The following GPRIN3 variants were observed in gnomAD, a reference collection of about 807,000 sequenced individuals.
GPRIN3 encodes the protein G protein-regulated inducer of neurite outgrowth 3.
A neutral mutation model predicts 13.7 loss-of-function variants in GPRIN3; 12 were observed. That is an observed-to-expected ratio of 0.87 (90% CI 0.56 to 1.42). The LOEUF (loss-of-function observed/expected upper bound fraction) is 1.42, where lower values mean the gene tolerates loss of function less well. Among genes scored for constraint, GPRIN3 ranks in the 40% most tolerant of loss-of-function variants. The probability of loss-of-function intolerance (pLI) is 0.00; values close to 1 mark genes in which losing one functional copy is unlikely to be tolerated. For missense variants in GPRIN3, 1,009 were observed against 958.7 expected, an observed-to-expected ratio of 1.05 and a Z score of -0.69; for synonymous variants, 377 against 372.7, an observed-to-expected ratio of 1.01 and a Z score of -0.13.
In GPRIN3 at chr4:89,272,153, A is replaced by G. The variant is rs1033859526; in HGVS notation, c.-123-21920T>C. ...TATGCAGTCTGTGGTATTCTGTTAC[A>G]GCAGCCTGAAAGGACTAAGACAGAG... On this transcript the variant is annotated intron_variant, in intron 1 of 1. Coordinates refer to ENST00000609438, the MANE Select transcript of GPRIN3 (RefSeq NM_198281.3). Among the ~76,000 whole-genome samples, 7 of 152,324 alleles carry G rather than the reference A, an allele frequency of 4.6e-5. No homozygotes were observed. The South Asian group carries it at 1.5e-3, about 32-fold the overall frequency.
Position 89,304,956 on chromosome 4 carries a change from T to G in GPRIN3, c.-124+2659A>C, listed in dbSNP as rs145005697. On this transcript the variant is annotated intron_variant, in intron 1 of 1. Transcript: ENST00000609438. Reference sequence around the variant, plus strand: ...ACTTTTCCCCCTTTAAGCAGCCTATTGTAAATTAAGGTAAATATAATTTCT... The same window carrying G: ...ACTTTTCCCCCTTTAAGCAGCCTATGGTAAATTAAGGTAAATATAATTTCT... Among the ~76,000 whole-genome samples, 12 of 152,366 alleles carry G rather than the reference T, an allele frequency of 7.9e-5. No individual in the cohort carries two copies. The East Asian group carries it at 2.1e-3, about 27-fold the overall frequency.
rs1209015401 is a variant in GPRIN3 at position 89,247,878 on chromosome 4, G to A, written c.2233C>T (p.Leu745Phe). The A allele has an allele frequency of 3.7e-6, 6 of 1,614,172 alleles. No individual in the cohort carries two copies. Among genetic ancestry groups the A allele is most frequent in the East Asian group, 4.5e-5 (2 of 44,878 alleles). Residue 745 changes from leucine to phenylalanine, a missense_variant, in exon 2 of 2, where the codon CTC becomes TTC. By Grantham distance (22) the Leu-to-Phe change is conservative (BLOSUM62 0). Coordinates refer to ENST00000609438, the MANE Select transcript of GPRIN3 (RefSeq NM_198281.3). Reference sequence around the variant, plus strand: ...AAAACACTGTGCTGCCTTCCTCTGAGCTTCTTATTTGAAGAAGTATCTGAG... The same window carrying A: ...AAAACACTGTGCTGCCTTCCTCTGAACTTCTTATTTGAAGAAGTATCTGAG... ...ISSDTSSNKK[L>F]RGRQHSVFQS...
At chr4:89,279,414 T>A (rs1724184191) in intron 1 of GPRIN3, among the ~76,000 whole-genome samples, 1 of 152,158 alleles carries the variant, frequency 6.6e-6, no homozygotes, top group Non-Finnish European at 1.5e-5. Flanking sequence ...CTCAAGCCTC[T>A]ATCATCAGGG....
In GPRIN3 at chr4:89,276,693, C is replaced by G. The variant is rs944357643; in HGVS notation, c.-123-26460G>C. On this transcript the variant is annotated intron_variant, in intron 1 of 1. Coordinates refer to ENST00000609438, the MANE Select transcript of GPRIN3 (RefSeq NM_198281.3). ...CTAGAGACTATTATTCTTGTCAGGC[C>G]TATTAGCACAGTACAGTGTTTCCCA... Among the ~76,000 whole-genome samples, 6 of 152,214 alleles carry G rather than the reference C, an allele frequency of 3.9e-5. No homozygotes were observed. The South Asian group carries it at 6.2e-4, about 16-fold the overall frequency.
intron 1 of GPRIN3, among the ~76,000 whole-genome samples, chr4:89,280,845 A>G (rs1453481787): frequency 3.3e-5 from 5 of 152,204 alleles, no homozygotes; most frequent in African/African-American, 1.2e-4. Flanking sequence ...AAAAAATGCC[A>G]AGGATTGCTG....
chr4:89,257,739 A>G (rs571137799), intron 1 of GPRIN3, among the ~76,000 whole-genome samples: 1 of 152,300 alleles, frequency 6.6e-6, no homozygotes, highest in East Asian at 1.9e-4. Context: ...GACTTGGACA[A>G]GCAGCATCAT....
chr4:89,256,306 C>T (rs530741445), intron 1 of GPRIN3, among the ~76,000 whole-genome samples: 3 of 152,218 alleles, frequency 2.0e-5, no homozygotes, highest in East Asian at 3.9e-4. Flanking sequence ...GCCTAGATGG[C>T]ATTAACATCC....
At chr4:89,301,016 A>C (rs1724882154) in intron 1 of GPRIN3, among the ~76,000 whole-genome samples, 2 of 152,240 alleles carry the variant, frequency 1.3e-5, no homozygotes, top group Admixed American at 1.3e-4. Context: ...CTTAATTAAC[A>C]ATATGACTAA....
chr4:89,241,690 C>T lies in GPRIN3; in HGVS notation c.*6090G>A, dbSNP rs957920051. On this transcript the variant is annotated 3_prime_UTR_variant, in exon 2 of 2. Coordinates refer to ENST00000609438, the MANE Select transcript of GPRIN3 (RefSeq NM_198281.3). ...GATATACCAGCATCATTTTAAGACA[C>T]GATGGAAAACATTAGGAAAAATAAG... 6.6e-6 allele frequency: 1 copy of T among 151,862 alleles called. No individual in the cohort carries two copies. Among genetic ancestry groups the T allele is most frequent in the Non-Finnish European group, 1.5e-5 (1 of 67,962 alleles). The allele number at this position is 151,862 out of a possible 1,614,324, so 9.4% of individuals were successfully genotyped here.
chr4:89,262,021 G>C (rs1723643825), intron 1 of GPRIN3, among the ~76,000 whole-genome samples: 1 of 151,694 alleles, frequency 6.6e-6, no homozygotes, highest in Admixed American at 6.6e-5. Flanking sequence ...ACTTGGTTAG[G>C]AGGCTGAGGT....
chr4:89,283,333 G>C (rs10516831), intron 1 of GPRIN3, among the ~76,000 whole-genome samples: 9,971 of 152,236 alleles, frequency 0.065, 456 homozygotes, highest in African/African-American at 0.13. Context: ...TGGGCAGAAA[G>C]GTGATTTCAT....
At position 89,247,301 on chromosome 4, in the gene GPRIN3, T is replaced by C. The variant is rs992107270; in HGVS notation, c.*479A>G. The C allele has an allele frequency of 2.0e-5, 3 of 153,078 alleles. No homozygotes were observed. The highest frequency in any genetic ancestry group is 6.5e-5 in the Admixed American group (1 of 15,376). The allele number at this position is 153,078 out of a possible 1,614,324, so 9.5% of individuals were successfully genotyped here. On this transcript the variant is annotated 3_prime_UTR_variant, in exon 2 of 2. Transcript: ENST00000609438. Reference sequence around the variant, plus strand: ...TTTTCATTATGGTTCTTATCACCTATTTATAATTTGTGTGGTTACAGCATT... The same window carrying C: ...TTTTCATTATGGTTCTTATCACCTACTTATAATTTGTGTGGTTACAGCATT...
rs1723277902 is a variant in GPRIN3 at position 89,249,968 on chromosome 4, G to A, written c.143C>T (p.Ser48Leu). ...GAGGTCTGGTTCTGCAGGGGCACCT[G>A]AAAAGCCATTGGCATTCTTACACAG... Reference protein sequence around the residue: ...ALLCKNANGFSGAPAEPDLSP... With the variant: ...ALLCKNANGFLGAPAEPDLSP... The change falls in exon 2 of 2, where the codon TCA becomes TTA. Residue 48 changes from serine to leucine, a missense_variant. Transcript: ENST00000609438. 1 of 1,614,232 alleles carries A rather than the reference G, an allele frequency of 6.2e-7. No homozygotes were observed. The highest frequency in any genetic ancestry group is 8.5e-7 in the Non-Finnish European group (1 of 1,180,018).
chr4:89,250,603 ATAAG>A (rs1415028131), intron 1 of GPRIN3: 1 of 152,882 alleles, frequency 6.5e-6, no homozygotes, highest in Non-Finnish European at 1.5e-5. Flanking sequence ...AATTAAATCA[ATAAG>A]TAAGTATTGA....
chr4:89,249,755 C>G lies in GPRIN3; in HGVS notation c.356G>C (p.Arg119Thr). 1 of 1,614,180 alleles carries G rather than the reference C, an allele frequency of 6.2e-7. No individual in the cohort carries two copies. The highest frequency in any genetic ancestry group is 8.5e-7 in the Non-Finnish European group (1 of 1,180,028). ...AASAPSSAAG[R>T]DLIHTPLTMP... ...TGTCAATGGTGTGTGTATAAGATCC[C>G]TTCCTGCTGCAGAACTCGGGGCTGA... is the stretch of plus-strand genomic sequence containing the variant. Residue 119 changes from arginine to threonine, a missense_variant, in exon 2 of 2, where the codon AGG (arginine) becomes ACG (threonine). By Grantham distance (71) the Arg-to-Thr change is moderately conservative. Coordinates refer to ENST00000609438, the MANE Select transcript of GPRIN3 (RefSeq NM_198281.3).
Position 89,248,391 on chromosome 4 carries a change from T to C in GPRIN3, c.1720A>G (p.Thr574Ala), listed in dbSNP as rs1428224677. ...GGTGTAGGATTAGCAGCTGATTCTG[T>C]GCCTCCACTTTCTTGGGATTTAGGA... ...LNPKSQESGGTESAANPTPSP... is the reference protein window; with the variant it reads ...LNPKSQESGGAESAANPTPSP... The change falls in exon 2 of 2, where the codon ACA (threonine) becomes GCA (alanine). Residue 574 changes from threonine to alanine, a missense_variant. Physicochemically the swap from Thr to Ala is moderately conservative, Grantham distance 58 (BLOSUM62 0). Transcript: ENST00000609438. The C allele has an allele frequency of 6.2e-7, 1 of 1,614,072 alleles. No homozygotes were observed. The highest frequency in any genetic ancestry group is 1.3e-5 in the African/African-American group (1 of 74,940).
chr4:89,265,338 T>C (rs975400101), intron 1 of GPRIN3, among the ~76,000 whole-genome samples: 2 of 152,152 alleles, frequency 1.3e-5, no homozygotes, highest in African/African-American at 4.8e-5. Context: ...AAATTTCTAA[T>C]TCTGTTTGTA....
intron 1 of GPRIN3, among the ~76,000 whole-genome samples, chr4:89,282,298 A>G (rs893600890): frequency 2.6e-5 from 4 of 152,212 alleles, no homozygotes; most frequent in African/African-American, 9.6e-5. Context: ...AACAAAAATC[A>G]ATGTCATATG....
chr4:89,293,992 A>G (rs556930175), intron 1 of GPRIN3, among the ~76,000 whole-genome samples: 1 of 152,340 alleles, frequency 6.6e-6, no homozygotes, highest in Admixed American at 6.5e-5. Flanking sequence ...TACTGAGCCT[A>G]AGTATGTTAT....
Sources: gnomAD v4.1 joint callset for allele counts (sites outside exome capture counted in the v4.1 genomes callset) on GRCh38, gnomAD v4.1.1 for gene constraint, MANE v1.5 for transcripts, NCBI Gene and HGNC (gene_info 2026-07-23, HGNC 2026-07-21) for gene names.